CD247: variants seen among roughly 807,000 people sequenced by gnomAD.
CD247 encodes T-cell surface glycoprotein CD3 zeta chain.
Under a neutral mutation model 30.0 loss-of-function variants are expected in CD247, and 13 were observed. The ratio of observed to expected loss-of-function variants is 0.43; its 90% CI spans 0.28 to 0.69. The LOEUF (loss-of-function observed/expected upper bound fraction) is 0.69. CD247 is among the 30% of genes least tolerant of loss of function. The pLI, the probability that CD247 is intolerant of heterozygous loss-of-function variation, is 0.16. For synonymous variants in CD247, 72 were observed against 80.0 expected (o/e 0.90, Z 0.53); for missense variants, 193 against 212.6 (o/e 0.91, Z 0.57).
chr1:167,506,353 C>T (rs1378630876), intron 1 of CD247, among the ~76,000 whole-genome samples: 2 of 148,764 alleles, frequency 1.3e-5, no homozygotes, highest in South Asian at 2.2e-4. Flanking sequence ...CCTCCCCTCC[C>T]CTCCCCTTCC....
chr1:167,448,261 C>T, intron 1 of CD247: 1 of 625,698 alleles, frequency 1.6e-6, no homozygotes, highest in Non-Finnish European at 2.0e-6. Flanking sequence ...AAGTTAATAA[C>T]ATGCCTAATG....
intron 1 of CD247, among the ~76,000 whole-genome samples, chr1:167,456,879 C>G (rs983407095): frequency 6.6e-6 from 1 of 152,218 alleles, no homozygotes; most frequent in Non-Finnish European, 1.5e-5. Context: ...ATGTTCATTC[C>G]TCAAACTTTG....
intron 1 of CD247, among the ~76,000 whole-genome samples, chr1:167,501,514 TCACA>T (rs1409904952): frequency 6.6e-6 from 1 of 152,196 alleles, no homozygotes; most frequent in Non-Finnish European, 1.5e-5. Flanking sequence ...TAAAACACAC[TCACA>T]CAGTTTTCCC....
chr1:167,491,580 A>AG (rs1654452637), intron 1 of CD247, among the ~76,000 whole-genome samples: 1 of 151,818 alleles, frequency 6.6e-6, no homozygotes, highest in Non-Finnish European at 1.5e-5. Context: ...AAAAAAAAAA[A>AG]ATAGAACTAT....
chr1:167,499,380 C>T (rs2102094779), intron 1 of CD247, among the ~76,000 whole-genome samples: 1 of 152,278 alleles, frequency 6.6e-6, no homozygotes, highest in East Asian at 1.9e-4. Context: ...CAGCTGGAGA[C>T]TAACCAAATA....
intron 1 of CD247, among the ~76,000 whole-genome samples, chr1:167,481,986 T>C (rs753494868): frequency 1.4e-4 from 22 of 152,200 alleles, no homozygotes; most frequent in Admixed American, 6.5e-5. Flanking sequence ...GTGTGATCCC[T>C]GCCTAAGAAC....
At chr1:167,509,831 G>C (rs1034268646) in intron 1 of CD247, among the ~76,000 whole-genome samples, 1 of 152,160 alleles carries the variant, frequency 6.6e-6, no homozygotes, top group Non-Finnish European at 1.5e-5. Context: ...GTGGGGGATG[G>C]AGTGGCGTCT....
chr1:167,439,548 G>C, intron 2 of CD247, 148 bp from the exon 3 acceptor site: 2 of 703,294 alleles, frequency 2.8e-6, no homozygotes, highest in Admixed American at 2.2e-5. Flanking sequence ...CTGAGCCCTT[G>C]CAGGGGCCGG....
At chr1:167,469,441 T>G (rs943056220) in intron 1 of CD247, among the ~76,000 whole-genome samples, 1 of 152,136 alleles carries the variant, frequency 6.6e-6, no homozygotes, top group Non-Finnish European at 1.5e-5. Flanking sequence ...GGAAATCGAG[T>G]CTTTCCCTGT....
chr1:167,505,291 C>T (rs372577166), intron 1 of CD247, among the ~76,000 whole-genome samples: 4 of 152,138 alleles, frequency 2.6e-5, no homozygotes, highest in Middle Eastern at 3.4e-3. Context: ...TGTTGAGATA[C>T]GGTTTACATA....
At chr1:167,432,628 T>C (rs1651325998) in intron 7 of CD247, among the ~76,000 whole-genome samples, 1 of 152,236 alleles carries the variant, frequency 6.6e-6, no homozygotes, top group South Asian at 2.1e-4. Flanking sequence ...CCTTCAGTCT[T>C]CCCAGCCAAC....
chr1:167,439,378 G>C lies in CD247; in HGVS notation c.185C>G (p.Pro62Arg). The C allele has an allele frequency of 6.2e-7, 1 of 1,614,184 alleles. No individual in the cohort carries two copies. The highest frequency in any genetic ancestry group is 8.5e-7 in the Non-Finnish European group (1 of 1,180,002). The change falls in exon 3 of 8, where the codon CCC becomes CGC. Residue 62 changes from proline to arginine, a missense_variant. Physicochemically the swap from Pro to Arg is moderately radical, Grantham distance 103 (BLOSUM62 -2). Coordinates refer to ENST00000362089, the MANE Select transcript of CD247 (RefSeq NM_198053.3). ...RVKFSRSADA[P>R]AYQQGQNQLY... is the part of the protein sequence containing the mutation. The stretch of plus-strand genomic sequence containing the variant: ...CTGGTTCTGGCCCTGCTGGTACGCG[G>C]GGGCGTCTGCGCTCCTGCTGAACTG...
intron 1 of CD247, among the ~76,000 whole-genome samples, chr1:167,500,264 T>C (rs1298440418): frequency 1.3e-5 from 2 of 152,246 alleles, no homozygotes; most frequent in African/African-American, 2.4e-5. Flanking sequence ...CTCCATGTGA[T>C]GAAAACTTGA....
intron 1 of CD247, among the ~76,000 whole-genome samples, chr1:167,489,973 C>T (rs986097417): frequency 6.6e-6 from 1 of 152,154 alleles, no homozygotes; most frequent in Non-Finnish European, 1.5e-5. Flanking sequence ...GGCCTTTTGG[C>T]CCCAGGAGGC....
intron 6 of CD247, among the ~76,000 whole-genome samples, chr1:167,433,738 A>C (rs1355120500): frequency 6.6e-6 from 1 of 152,260 alleles, no homozygotes; most frequent in Non-Finnish European, 1.5e-5. Flanking sequence ...AGCACATATT[A>C]AGCACTCGAT....
intron 4 of CD247, among the ~76,000 whole-genome samples, chr1:167,435,704 G>A (rs915719027): frequency 2.0e-5 from 3 of 152,252 alleles, no homozygotes; most frequent in South Asian, 4.1e-4. Context: ...GCAGGCCATC[G>A]GGACGCCCAC....
At chr1:167,507,672 C>A (rs539464828) in intron 1 of CD247, among the ~76,000 whole-genome samples, 4 of 151,680 alleles carry the variant, frequency 2.6e-5, no homozygotes, top group African/African-American at 9.7e-5. Context: ...CCTGTATCTA[C>A]AAAAAAAGAA....
intron 1 of CD247, among the ~76,000 whole-genome samples, chr1:167,484,776 A>AAAAAC (rs1654134551): frequency 6.6e-6 from 1 of 152,208 alleles, no homozygotes; most frequent in Non-Finnish European, 1.5e-5. Context: ...ACTCTGTCTC[A>AAAAAC]AAAACAAAAC....
intron 1 of CD247, among the ~76,000 whole-genome samples, chr1:167,510,941 G>A (rs750476613): frequency 1.3e-5 from 2 of 152,100 alleles, no homozygotes; most frequent in Admixed American, 6.5e-5. Flanking sequence ...GGCCCACTAA[G>A]AGTCTCAGAT....
Sources: allele counts gnomAD v4.1 joint callset (sites outside exome capture counted in the v4.1 genomes callset), GRCh38; gene constraint gnomAD v4.1.1; transcripts MANE v1.5; gene names NCBI Gene and HGNC (gene_info 2026-07-23, HGNC 2026-07-21).